Variants in ITPR1 observed in about 807,000 individuals in gnomAD.
ITPR1 encodes inositol 1,4,5-trisphosphate-gated calcium channel ITPR1.
In ITPR1, 96 loss-of-function variants were observed where a neutral mutation model predicts 318.4. That is an observed-to-expected ratio of 0.30 (90% CI 0.26 to 0.36). The LOEUF (loss-of-function observed/expected upper bound fraction) is 0.36. Among genes scored for constraint, ITPR1 ranks in the 10% least tolerant of loss-of-function variants. The pLI, the probability that ITPR1 is intolerant of heterozygous loss-of-function variation, is 1.00. For synonymous variants in ITPR1, 1,312 were observed against 1,289.9 expected (o/e 1.02, Z -0.37); for missense variants, 2,440 against 3,460.2 (o/e 0.71, Z 7.40).
In ITPR1 at chr3:4,696,561, T is replaced by C. The variant is rs140589671; in HGVS notation, c.4282-586T>C. ...GCTTTTTGACTATTGTGAATAATGC[T>C]ACTGTGCACACTTGTATACAGGATT... On this transcript the variant is annotated intron_variant, in intron 33 of 61. Transcript: ENST00000649015. Among the ~76,000 whole-genome samples, 906 of 152,278 alleles carry C rather than the reference T, an allele frequency of 5.9e-3. 6 individuals are homozygous for C. The highest frequency in any genetic ancestry group is 0.039 in the East Asian group (203 of 5,188).
chr3:4,551,977 C>T (rs2085613467), intron 4 of ITPR1, among the ~76,000 whole-genome samples: 1 of 152,158 alleles, frequency 6.6e-6, no homozygotes, highest in East Asian at 1.9e-4. Context: ...GTGAAACAGG[C>T]TTGTCTTTAA....
At chr3:4,808,847 T>G (rs907723343) in intron 55 of ITPR1, among the ~76,000 whole-genome samples, 2 of 151,980 alleles carry the variant, frequency 1.3e-5, no homozygotes, top group African/African-American at 4.8e-5. Context: ...GGTGGCCTAA[T>G]TAAACTGCTG....
chr3:4,587,147 T>C (rs1405449449), intron 4 of ITPR1, among the ~76,000 whole-genome samples: 2 of 152,238 alleles, frequency 1.3e-5, no homozygotes, highest in Non-Finnish European at 2.9e-5. Context: ...GCAGGTGTAC[T>C]GTGTGATCTT....
chr3:4,744,475 G>C (rs1045407286), intron 44 of ITPR1, among the ~76,000 whole-genome samples: 1 of 152,214 alleles, frequency 6.6e-6, no homozygotes, highest in African/African-American at 2.4e-5. Flanking sequence ...GAAAAATCCA[G>C]ACAGCTGCCT....
intron 4 of ITPR1, among the ~76,000 whole-genome samples, chr3:4,609,083 T>TATATATATATAC (rs2091919982): frequency 1.1e-5 from 1 of 92,364 alleles, no homozygotes; most frequent in Non-Finnish European, 2.1e-5. Context: ...TATATATATA[T>TATATATATATAC]ATATATACAC....
intron 4 of ITPR1, among the ~76,000 whole-genome samples, chr3:4,548,523 C>G (rs1463313374): frequency 6.6e-6 from 1 of 152,144 alleles, no homozygotes; most frequent in Non-Finnish European, 1.5e-5. Context: ...AGCACCTTTT[C>G]CCGAAGCCCG....
chr3:4,838,897 A>G (rs1439313400), intron 61 of ITPR1, among the ~76,000 whole-genome samples: 1 of 152,178 alleles, frequency 6.6e-6, no homozygotes, highest in African/African-American at 2.4e-5. Flanking sequence ...TCCCTACACT[A>G]TCTGTCCTTT....
At chr3:4,602,357 TAAC>T (rs966683191) in intron 4 of ITPR1, among the ~76,000 whole-genome samples, 7 of 151,834 alleles carry the variant, frequency 4.6e-5, no homozygotes, top group Non-Finnish European at 7.4e-5. Context: ...CTGTCTCTGC[TAAC>T]AACAACAACA....
chr3:4,689,752 G>T (rs1426416895), intron 31 of ITPR1, among the ~76,000 whole-genome samples: 3 of 152,192 alleles, frequency 2.0e-5, no homozygotes, highest in Admixed American at 6.5e-5. Flanking sequence ...GAATCTTCAT[G>T]GCTGTGTGGT....
chr3:4,513,919 C>T (rs1353837430), intron 2 of ITPR1, among the ~76,000 whole-genome samples: 1 of 152,100 alleles, frequency 6.6e-6, no homozygotes, highest in Non-Finnish European at 1.5e-5. Context: ...AACCCCATCT[C>T]TACAAAAAAT....
intron 44 of ITPR1, among the ~76,000 whole-genome samples, chr3:4,739,648 A>G (rs931068346): frequency 5.9e-5 from 9 of 152,184 alleles, no homozygotes; most frequent in African/African-American, 1.7e-4. Context: ...TGTCCGTCCC[A>G]CCTCCACCTG....
intron 2 of ITPR1, among the ~76,000 whole-genome samples, chr3:4,511,105 G>T (rs1167171094): frequency 6.6e-6 from 1 of 152,164 alleles, no homozygotes; most frequent in Non-Finnish European, 1.5e-5. Flanking sequence ...ATGAGAGACA[G>T]ATTTGGGAAT....
Position 4,808,346 on chromosome 3 carries a change from AT to A in ITPR1, c.7272+2081del, listed in dbSNP as rs746028732. Among the ~76,000 whole-genome samples the A allele has an allele frequency of 1.1e-4, 16 of 152,212 alleles. No individual in the cohort carries two copies. The South Asian group carries it at 3.3e-3, about 32-fold the overall frequency. On this transcript the variant is annotated intron_variant, in intron 55 of 61. Coordinates refer to ENST00000649015, the MANE Select transcript of ITPR1 (RefSeq NM_001378452.1). ...GCAGGAGAGCCTCACAACTCTGTTG[AT>A]TCCCAAGTTGACACTGCCTTTTATT...
chr3:4,670,552 C>T (rs115580424), intron 19 of ITPR1, among the ~76,000 whole-genome samples, 177 bp from the exon 20 acceptor site: 307 of 152,302 alleles, frequency 2.0e-3, no homozygotes, highest in Non-Finnish European at 3.5e-3. Flanking sequence ...GCACCATAGT[C>T]GAGAACCACT....
Position 4,707,474 on chromosome 3 carries a change from T to G in ITPR1, c.4842+1123T>G, listed in dbSNP as rs59898417. Among the ~76,000 whole-genome samples the G allele has an allele frequency of 1.8e-3, 267 of 152,324 alleles. 1 individual carries two copies. The highest frequency in any genetic ancestry group is 5.9e-3 in the African/African-American group (245 of 41,568). On this transcript the variant is annotated intron_variant, in intron 37 of 61. Coordinates refer to ENST00000649015, the MANE Select transcript of ITPR1 (RefSeq NM_001378452.1). ...GCGGCTGTGTCCCAAGATGAGTGTG[T>G]GTAGAGAGAGACAAGTGAAAACTTT... is the stretch of plus-strand genomic sequence containing the variant.
intron 61 of ITPR1, among the ~76,000 whole-genome samples, chr3:4,845,134 A>G (rs139359639): frequency 1.3e-5 from 2 of 152,380 alleles, no homozygotes; most frequent in African/African-American, 4.8e-5. Flanking sequence ...TGACAAAACC[A>G]TAAGAAACTA....
At chr3:4,565,408 T>C (rs925094901) in intron 4 of ITPR1, among the ~76,000 whole-genome samples, 2 of 152,244 alleles carry the variant, frequency 1.3e-5, no homozygotes, top group Admixed American at 6.5e-5. Context: ...CCTGGTCCAT[T>C]CAATGCCTCC....
At chr3:4,735,468 T>A in intron 44 of ITPR1, 114 bp downstream of exon 44, 1 of 809,110 alleles carries the variant, frequency 1.2e-6, no homozygotes, top group Non-Finnish European at 2.0e-6. Context: ...CAGCTCATTC[T>A]GAGGGCACAA....
intron 19 of ITPR1, 108 bp downstream of exon 19, chr3:4,669,881 G>A (rs773810942): frequency 4.3e-5 from 49 of 1,128,540 alleles, no homozygotes; most frequent in Admixed American, 1.4e-4. Context: ...TCTAAAGTCA[G>A]TGTGGCTGGC....
Sources: gnomAD v4.1 joint callset for allele counts (sites outside exome capture counted in the v4.1 genomes callset) on GRCh38, gnomAD v4.1.1 for gene constraint, MANE v1.5 for transcripts, NCBI Gene and HGNC (gene_info 2026-07-23, HGNC 2026-07-21) for gene names.